The following LRRC66 variants were observed in gnomAD, a reference collection of about 807,000 sequenced individuals.
LRRC66 encodes the protein leucine-rich repeat-containing protein 66.
Under a neutral mutation model 24.6 loss-of-function variants are expected in LRRC66, and 29 were observed. The ratio of observed to expected loss-of-function variants is 1.18; its 90% CI spans 0.88 to 1.61. The LOEUF (loss-of-function observed/expected upper bound fraction) is 1.61, where lower values mean the gene tolerates loss of function less well. Among genes scored for constraint, LRRC66 ranks in the 40% most tolerant of loss-of-function variants. The probability of loss-of-function intolerance (pLI) is 0.00; values close to 1 mark genes in which losing one functional copy is unlikely to be tolerated. For missense variants in LRRC66, 1,124 were observed against 1,058.0 expected (o/e 1.06, Z -0.87); for synonymous variants, 411 against 397.6 (o/e 1.03, Z -0.40).
At chr4:52,006,934 G>A (rs1009521173) in intron 2 of LRRC66, among the ~76,000 whole-genome samples, 3 of 152,012 alleles carry the variant, frequency 2.0e-5, no homozygotes. Flanking sequence ...ACCATGGTAG[G>A]TGGAGCTGGA....
intron 3 of LRRC66, among the ~76,000 whole-genome samples, chr4:51,998,789 C>G (rs1736381240): frequency 6.6e-6 from 1 of 152,178 alleles, no homozygotes; most frequent in Non-Finnish European, 1.5e-5. Context: ...CTGCCATTTG[C>G]CGAGCCCTGC....
chr4:52,010,410 G>T (rs1736673455), intron 2 of LRRC66, among the ~76,000 whole-genome samples: 1 of 152,090 alleles, frequency 6.6e-6, no homozygotes, highest in African/African-American at 2.4e-5. Flanking sequence ...CAGTACAAAT[G>T]ATCCCATCAC....
At chr4:52,018,474 CAAGA>C (rs1736868010) in intron 1 of LRRC66, 4 of 985,332 alleles carry the variant, frequency 4.1e-6, no homozygotes, top group Non-Finnish European at 4.8e-6. Flanking sequence ...TATGAGTTTC[CAAGA>C]AATTGTCCCT....
At chr4:52,003,809 T>C (rs181249151) in intron 2 of LRRC66, among the ~76,000 whole-genome samples, 1 of 152,358 alleles carries the variant, frequency 6.6e-6, no homozygotes. Flanking sequence ...TTGAATTCTT[T>C]CTTTCAATGA....
chr4:52,000,203 C>T (rs1736416781), intron 3 of LRRC66, among the ~76,000 whole-genome samples: 1 of 152,162 alleles, frequency 6.6e-6, no homozygotes, highest in Non-Finnish European at 1.5e-5. Context: ...AGAATTACAG[C>T]TGTATATAAA....
intron 4 of LRRC66, among the ~76,000 whole-genome samples, chr4:51,997,321 C>T (rs913788147): frequency 2.0e-5 from 3 of 152,166 alleles, no homozygotes; most frequent in African/African-American, 7.2e-5. Context: ...AATGATGTTT[C>T]TAATTTTAAA....
chr4:52,017,362 CTCT>C lies in LRRC66; in HGVS notation c.249_251del (p.Glu84del). 6.2e-7 allele frequency: 1 copy of C among 1,614,094 alleles called. No homozygotes were observed. The highest frequency in any genetic ancestry group is 8.5e-7 in the Non-Finnish European group (1 of 1,179,986). ...TGAGGTCCAGATGTTTTATTTTCCACTCTTCTTTTTTCGTGTGAGACTGTAAGA... is the reference window on the plus strand; with the variant it reads ...TGAGGTCCAGATGTTTTATTTTCCACTCTTTTTTCGTGTGAGACTGTAAGA... On this transcript the variant is annotated inframe_deletion, in exon 2 of 5. Transcript: ENST00000682860.
intron 4 of LRRC66, 59 bp from the exon 5 acceptor site, chr4:51,996,224 T>A: frequency 1.4e-6 from 2 of 1,437,702 alleles, no homozygotes; most frequent in South Asian, 1.4e-5. Flanking sequence ...ATTTCAGGGG[T>A]TTTTCTCTTT....
rs1367393246 is a variant in LRRC66 at position 51,995,453 on chromosome 4, T to A, written c.1569A>T (p.Ala523=). ...CATTCCTATGGATGTGGTCCTGCGC[T>A]GCTGACATTAGTTCACGGTTACCGG... ...PHAGNRELMS[A]AQDHIHRNDI... is the part of the protein sequence containing the mutation. The change falls in exon 5 of 5, where the codon GCA becomes GCT. Residue 523 remains alanine (A), a synonymous_variant. Coordinates refer to ENST00000682860, the MANE Select transcript of LRRC66 (RefSeq NM_001024611.3). The A allele has an allele frequency of 3.1e-6, 5 of 1,614,182 alleles. No homozygotes were observed. Among genetic ancestry groups the A allele is most frequent in the Non-Finnish European group, 4.2e-6 (5 of 1,180,044 alleles).
At chr4:52,002,758 A>T (rs1263761768) in intron 3 of LRRC66, among the ~76,000 whole-genome samples, 1 of 152,238 alleles carries the variant, frequency 6.6e-6, no homozygotes, top group East Asian at 1.9e-4. Context: ...CAACAGGGTC[A>T]CTGGGTTTCA....
At chr4:51,997,664 T>C in intron 4 of LRRC66, 84 bp downstream of exon 4, 1 of 1,269,692 alleles carries the variant, frequency 7.9e-7, no homozygotes, top group Non-Finnish European at 1.1e-6. Context: ...TCATGGGGAC[T>C]GTCATTATTT....
chr4:52,018,322 T>A, intron 1 of LRRC66: 1 of 984,838 alleles, frequency 1.0e-6, no homozygotes, highest in Non-Finnish European at 1.2e-6. Flanking sequence ...AAATTCAAAG[T>A]TTTTAAAAAG....
chr4:52,007,831 A>T (rs1325160429), intron 2 of LRRC66, among the ~76,000 whole-genome samples: 1 of 152,208 alleles, frequency 6.6e-6, no homozygotes, highest in African/African-American at 2.4e-5. Flanking sequence ...TGTCATTTAA[A>T]TAACATGGCC....
intron 2 of LRRC66, among the ~76,000 whole-genome samples, chr4:52,013,129 C>T (rs1183634632): frequency 6.6e-6 from 1 of 152,150 alleles, no homozygotes; most frequent in African/African-American, 2.4e-5. Context: ...GTCTTATATA[C>T]TTTTTGTTTC....
At chr4:52,012,943 T>C (rs1229425782) in intron 2 of LRRC66, among the ~76,000 whole-genome samples, 1 of 152,204 alleles carries the variant, frequency 6.6e-6, no homozygotes, top group African/African-American at 2.4e-5. Flanking sequence ...CTCCCAAGTG[T>C]GATAACCTGA....
Sources: allele counts gnomAD v4.1 joint callset (sites outside exome capture counted in the v4.1 genomes callset), GRCh38; gene constraint gnomAD v4.1.1; transcripts MANE v1.5; gene names NCBI Gene and HGNC (gene_info 2026-07-23, HGNC 2026-07-21).